Variants in ZNF510 observed in about 807,000 individuals in gnomAD.
ZNF510 encodes the protein zinc finger protein 510.
Under a neutral mutation model 18.1 loss-of-function variants are expected in ZNF510, and 15 were observed. The ratio of observed to expected loss-of-function variants is 0.83; its 90% confidence interval spans 0.55 to 1.28. The LOEUF is 1.28. Among genes scored for constraint, ZNF510 ranks in the 50% most tolerant of loss-of-function variants. The pLI, the probability that ZNF510 is intolerant of heterozygous loss-of-function variation, is 0.00. For missense variants in ZNF510, 724 were observed against 791.8 expected (o/e 0.91, Z 1.03); for synonymous variants, 261 against 266.4 (o/e 0.98, Z 0.20).
At chr9:96,768,233 A>G (rs866847995) in intron 3 of ZNF510, among the ~76,000 whole-genome samples, 1 of 152,224 alleles carries the variant, frequency 6.6e-6, no homozygotes, top group Non-Finnish European at 1.5e-5. Context: ...AATAAAAAGC[A>G]TTTCTGAAAA....
rs527628363 is a variant in ZNF510 at position 96,757,443 on chromosome 9, T to G, written c.*1335A>C. 6.6e-6 allele frequency: 1 copy of G among 152,242 alleles called. No individual in the cohort carries two copies. Among genetic ancestry groups the G allele is most frequent in the Admixed American group, 6.5e-5 (1 of 15,276 alleles). The allele number at this position is 152,242 out of a possible 1,614,324, so 9.4% of individuals were successfully genotyped here. The stretch of plus-strand genomic sequence containing the variant: ...TCTTTTCCACAATTCTCTGATCATA[T>G]TTGAGGTTCTCCTTGACTCTCTAGC... On this transcript the variant is annotated 3_prime_UTR_variant, in exon 6 of 6. Transcript: ENST00000223428.
In ZNF510 at chr9:96,757,329, G is replaced by GGCT. The variant is rs1214144478; in HGVS notation, c.*1446_*1448dup. 6.6e-6 allele frequency: 1 copy of GGCT among 152,174 alleles called. No homozygotes were observed. Among genetic ancestry groups the GGCT allele is most frequent in the Non-Finnish European group, 1.5e-5 (1 of 68,048 alleles). The allele number at this position is 152,174 out of a possible 1,614,324, so 9.4% of individuals were successfully genotyped here. A position where few individuals can be genotyped will look rare whatever the true frequency, so the allele number is the denominator to read the frequency against. On this transcript the variant is annotated 3_prime_UTR_variant, in exon 6 of 6. Transcript: ENST00000223428. The stretch of plus-strand genomic sequence containing the variant: ...GCACACTTACGTTGAACTGCACAGT[G>GGCT]GCTGCTCACCATTCAGCCAAAAGAC...
chr9:96,759,597 T>C lies in ZNF510; in HGVS notation c.1233A>G (p.Lys411=). 1.9e-6 allele frequency: 3 copies of C among 1,614,032 alleles called. No individual in the cohort carries two copies. The highest frequency in any genetic ancestry group is 2.2e-5 in the East Asian group (1 of 44,870). Residue 411 remains lysine, a synonymous_variant, in exon 6 of 6, where the codon AAA becomes AAG. Coordinates refer to ENST00000223428, the MANE Select transcript of ZNF510 (RefSeq NM_014930.3). Reference sequence around the variant, plus strand: ...TGAGATGTCCTTTCTGACAGAAGGATTTCCCACATTCATTACATTTATAGG... The same window carrying C: ...TGAGATGTCCTTTCTGACAGAAGGACTTCCCACATTCATTACATTTATAGG... ...MKPYKCNECG[K]SFCQKGHLIQ...
Position 96,754,584 on chromosome 9 carries a change from A to G in ZNF510, c.*4194T>C, listed in dbSNP as rs1849154733. On this transcript the variant is annotated 3_prime_UTR_variant, in exon 6 of 6. Coordinates refer to ENST00000223428, the MANE Select transcript of ZNF510 (RefSeq NM_014930.3). ...CTGGGAATCTCAATTTATTGAAAAT[A>G]CATGTTTTGGTTGACAAAGATCTGA... Among the ~76,000 whole-genome samples the G allele has an allele frequency of 6.6e-6, 1 of 152,236 alleles. No individual in the cohort carries two copies. Among genetic ancestry groups the G allele is most frequent in the Non-Finnish European group, 1.5e-5 (1 of 68,046 alleles).
chr9:96,762,204 TAAAA>T (rs551652153), intron 5 of ZNF510, among the ~76,000 whole-genome samples: 6 of 99,458 alleles, frequency 6.0e-5, no homozygotes, highest in Admixed American at 2.0e-4. Context: ...CTGTGGAAAT[TAAAA>T]AAAAAAAAAA....
chr9:96,771,305 C>CA (rs1462848136), intron 3 of ZNF510, among the ~76,000 whole-genome samples: 5 of 151,780 alleles, frequency 3.3e-5, no homozygotes, highest in Admixed American at 2.0e-4. Flanking sequence ...CCCAGGAATG[C>CA]AAGGTTGGTT....
Position 96,758,679 on chromosome 9 carries a change from G to T in ZNF510, c.*99C>A. 8.2e-7 allele frequency: 1 copy of T among 1,225,498 alleles called. No homozygotes were observed. Among genetic ancestry groups the T allele is most frequent in the Non-Finnish European group, 1.1e-6 (1 of 889,522 alleles). 75.9% of individuals were successfully genotyped at this position (1,225,498 alleles called of 1,614,324 possible). On this transcript the variant is annotated 3_prime_UTR_variant, in exon 6 of 6. Transcript: ENST00000223428. ...ATTCACAGTGAGGGTTTACTTCTGGGACTGTCTTCTTACATTCACTACCCT... is the reference window on the plus strand; with the variant it reads ...ATTCACAGTGAGGGTTTACTTCTGGTACTGTCTTCTTACATTCACTACCCT...
At chr9:96,775,859 G>T in intron 2 of ZNF510, 141 bp downstream of exon 2, 2 of 1,000,734 alleles carry the variant, frequency 2.0e-6, no homozygotes, top group Non-Finnish European at 1.4e-6. Context: ...GAAAATGGGG[G>T]CTCTATGAGG....
Position 96,776,159 on chromosome 9 carries a change from T to A in ZNF510, c.-90A>T. On this transcript the variant is annotated 5_prime_UTR_variant, in exon 2 of 6. The change abolishes an upstream ATG in the 5' untranslated region. Transcript: ENST00000223428. The stretch of plus-strand genomic sequence containing the variant: ...CTGCTCCTTTCTGGGTTCTTCTGCA[T>A]CTGTTTGGAAGCCCTGGTGAGGAGG... The A allele has an allele frequency of 6.5e-7, 1 of 1,526,730 alleles. No individual in the cohort carries two copies. The highest frequency in any genetic ancestry group is 8.8e-7 in the Non-Finnish European group (1 of 1,134,208). 94.6% of individuals were successfully genotyped at this position (1,526,730 alleles called of 1,614,324 possible). A position where few individuals can be genotyped will look rare whatever the true frequency, so the allele number is the denominator to read the frequency against.
Position 96,763,488 on chromosome 9 carries a change from T to G in ZNF510, c.256+18A>C. 1 of 1,593,310 alleles carries G rather than the reference T, an allele frequency of 6.3e-7. No homozygotes were observed. The highest frequency in any genetic ancestry group is 8.5e-7 in the Non-Finnish European group (1 of 1,172,858). Reference sequence around the variant, plus strand: ...TTCTATATGGAGTTACAAGGGTAAGTTATGTTTACATGCTTACCCACTGAG... The same window carrying G: ...TTCTATATGGAGTTACAAGGGTAAGGTATGTTTACATGCTTACCCACTGAG... On this transcript the variant is annotated intron_variant, in intron 4 of 5. Transcript: ENST00000223428.
At position 96,755,042 on chromosome 9, in the gene ZNF510, G is replaced by A. The variant is rs1849163637; in HGVS notation, c.*3736C>T. On this transcript the variant is annotated 3_prime_UTR_variant, in exon 6 of 6. Coordinates refer to ENST00000223428, the MANE Select transcript of ZNF510 (RefSeq NM_014930.3). ...ATACATGACTAGAGCACAGACCATGGTCTCCAGTTGGTGATGTATTGTATG... is the reference window on the plus strand; with the variant it reads ...ATACATGACTAGAGCACAGACCATGATCTCCAGTTGGTGATGTATTGTATG... Among the ~76,000 whole-genome samples, 1 of 152,150 alleles carries A rather than the reference G, an allele frequency of 6.6e-6. No individual in the cohort carries two copies. Among genetic ancestry groups the A allele is most frequent in the Non-Finnish European group, 1.5e-5 (1 of 68,034 alleles).
At chr9:96,765,134 C>A (rs924019641) in intron 3 of ZNF510, among the ~76,000 whole-genome samples, 6 of 152,096 alleles carry the variant, frequency 3.9e-5, no homozygotes, top group African/African-American at 1.4e-4. Flanking sequence ...ACAACAACAA[C>A]AACAAAAAAC....
intron 3 of ZNF510, among the ~76,000 whole-genome samples, chr9:96,770,965 T>C (rs1849573737): frequency 6.6e-6 from 1 of 152,222 alleles, no homozygotes; most frequent in Admixed American, 6.5e-5. Flanking sequence ...TTGGATTTTC[T>C]ATATCCTGTT....
At chr9:96,767,379 G>T (rs750575517) in intron 3 of ZNF510, among the ~76,000 whole-genome samples, 2 of 151,926 alleles carry the variant, frequency 1.3e-5, no homozygotes, top group Non-Finnish European at 2.9e-5. Context: ...CCAGAAATTA[G>T]AAAATACATT....
At position 96,758,538 on chromosome 9, in the gene ZNF510, G is replaced by A. The variant is rs2117907262; in HGVS notation, c.*240C>T. On this transcript the variant is annotated 3_prime_UTR_variant, in exon 6 of 6. Transcript: ENST00000223428. Reference sequence around the variant, plus strand: ...ATGACTTCATTCAGGCCTATCCATAGTACTCTGAAAACAGAAGCCTGTCTG... The same window carrying A: ...ATGACTTCATTCAGGCCTATCCATAATACTCTGAAAACAGAAGCCTGTCTG... 2 of 479,356 alleles carry A rather than the reference G, an allele frequency of 4.2e-6. No homozygotes were observed. The highest frequency in any genetic ancestry group is 7.3e-6 in the Non-Finnish European group (2 of 274,380). The allele number at this position is 479,356 out of a possible 1,614,324, so 29.7% of individuals were successfully genotyped here.
Position 96,759,977 on chromosome 9 carries a change from C to G in ZNF510, c.853G>C (p.Asp285His). ...SHTGETSSKD[D>H]EFRKNCDKKT... ...TTATCACAATTTTTCCTAAATTCAT[C>G]ATCTTTAGAGGATGTTTCTCCTGTG... The change falls in exon 6 of 6, where the codon GAT becomes CAT. Residue 285 changes from aspartate (D) to histidine (H), a missense_variant. Coordinates refer to ENST00000223428, the MANE Select transcript of ZNF510 (RefSeq NM_014930.3). 1 of 1,613,172 alleles carries G rather than the reference C, an allele frequency of 6.2e-7. No individual in the cohort carries two copies. Among genetic ancestry groups the G allele is most frequent in the Non-Finnish European group, 8.5e-7 (1 of 1,179,914 alleles).
chr9:96,765,155 T>C (rs1387611368), intron 3 of ZNF510, among the ~76,000 whole-genome samples: 1 of 152,122 alleles, frequency 6.6e-6, no homozygotes. Flanking sequence ...TGAGTAACGA[T>C]TTGTAATGAC....
At chr9:96,764,010 T>C (rs541190389) in intron 3 of ZNF510, among the ~76,000 whole-genome samples, 16 of 152,218 alleles carry the variant, frequency 1.1e-4, no homozygotes, top group African/African-American at 3.6e-4. Flanking sequence ...GGCAGAAGGA[T>C]TGCTTGAGCC....
intron 3 of ZNF510, among the ~76,000 whole-genome samples, chr9:96,764,880 C>T (rs746508815): frequency 1.1e-4 from 17 of 151,804 alleles, no homozygotes; most frequent in African/African-American, 3.4e-4. Context: ...TTTGGGAGGC[C>T]GAGGCAGGCG....
Sources: gnomAD v4.1 joint callset for allele counts (sites outside exome capture counted in the v4.1 genomes callset) on GRCh38, gnomAD v4.1.1 for gene constraint, MANE v1.5 for transcripts, NCBI Gene and HGNC (gene_info 2026-07-23, HGNC 2026-07-21) for gene names.